The following NHSL1 variants were observed in gnomAD, a reference collection of about 807,000 sequenced individuals.
NHSL1 encodes the protein NHS-like protein 1.
A neutral mutation model predicts 95.0 loss-of-function variants in NHSL1; 48 were observed. That is an observed-to-expected ratio of 0.51 (90% confidence interval 0.40 to 0.64). The LOEUF is 0.64. Ranked by LOEUF, NHSL1 falls within the 30% of genes least tolerant of loss-of-function variation. NHSL1 has a pLI of 0.00. For missense variants in NHSL1, 1,971 were observed against 2,077.7 expected, an observed-to-expected ratio of 0.95 and a Z score of 1.00; for synonymous variants, 783 against 833.9, an observed-to-expected ratio of 0.94 and a Z score of 1.05.
rs1171347944 is a variant in NHSL1, at chr6:138,469,583, G to C, written c.339+3723C>G. On this transcript the variant is annotated intron_variant, in intron 3 of 7. Transcript: ENST00000343505. Reference sequence around the variant, plus strand: ...TACAAAAAAATACAAGAATCAGCTGGGCGTGGTGATGTGTACCTGTAATCT... The same window carrying C: ...TACAAAAAAATACAAGAATCAGCTGCGCGTGGTGATGTGTACCTGTAATCT... Among the ~76,000 whole-genome samples, 6 of 151,956 alleles carry C rather than the reference G, an allele frequency of 3.9e-5. No individual in the cohort carries two copies. In the South Asian group the frequency reaches 1.2e-3, roughly 32 times the overall value.
chr6:138,557,677 T>C (rs903472969), intron 1 of NHSL1, among the ~76,000 whole-genome samples: 1 of 152,240 alleles, frequency 6.6e-6, no homozygotes, highest in African/African-American at 2.4e-5. Context: ...TTGTACTCTT[T>C]GATTGAGCAG....
chr6:138,501,703 T>C (rs1780690334), upstream of NHSL1, among the ~76,000 whole-genome samples: 1 of 152,216 alleles, frequency 6.6e-6, no homozygotes, highest in African/African-American at 2.4e-5. Flanking sequence ...TCACTCAATA[T>C]TAAGTGTGAT....
At chr6:138,663,656 G>C (rs926646687) in intron 1 of NHSL1, among the ~76,000 whole-genome samples, 1 of 151,676 alleles carries the variant, frequency 6.6e-6, no homozygotes, top group African/African-American at 2.4e-5. Context: ...GATCATCTGA[G>C]ATCAGGAGTT....
chr6:138,424,057 C>T lies in NHSL1; in HGVS notation c.*24G>A. On this transcript the variant is annotated 3_prime_UTR_variant, in exon 8 of 8. Coordinates refer to ENST00000343505, the MANE Select transcript of NHSL1 (RefSeq NM_001144060.2). The surrounding 1 kb of genome is among the most constrained non-coding windows in gnomAD (Gnocchi z 5.9). ...GCATTGCTCGTCTCCCCCCGTGTCA[C>T]CTGGGAGAGTTACGTTCTTGGCCCT... is the stretch of plus-strand genomic sequence containing the variant. 2 of 1,358,944 alleles carry T rather than the reference C, an allele frequency of 1.5e-6. No homozygotes were observed. The highest frequency in any genetic ancestry group is 9.4e-7 in the Non-Finnish European group (1 of 1,058,374). 84.2% of individuals were successfully genotyped at this position (1,358,944 alleles called of 1,614,324 possible).
rs553741572 is a variant in NHSL1 at position 138,554,016 on chromosome 6, T to C, written c.202+17694A>G. Among the ~76,000 whole-genome samples, 44 of 152,350 alleles carry C rather than the reference T, an allele frequency of 2.9e-4. No homozygotes were observed. In the South Asian group the frequency reaches 8.3e-3, roughly 29 times the overall value. On this transcript the variant is annotated intron_variant, in intron 1 of 6. Coordinates refer to the NHSL1 transcript ENST00000427025. ...AAGAATTAACACCAGTATGTCCAGA[T>C]GGAGGGAGGATACCGAAAGATGTCA...
chr6:138,684,767 C>T (rs962608209), intron 1 of NHSL1, among the ~76,000 whole-genome samples: 42 of 152,196 alleles, frequency 2.8e-4, no homozygotes, highest in Admixed American at 2.0e-3. Flanking sequence ...AGCTGAAGTG[C>T]ACACTGTGAC....
chr6:138,602,245 T>A (rs1319910607), intron 1 of NHSL1, among the ~76,000 whole-genome samples: 2 of 152,252 alleles, frequency 1.3e-5, no homozygotes, highest in South Asian at 4.1e-4. Flanking sequence ...ATTTTATCCA[T>A]CAGCATTTTG....
At chr6:138,485,312 A>C (rs574669107) in intron 2 of NHSL1, among the ~76,000 whole-genome samples, 2 of 152,320 alleles carry the variant, frequency 1.3e-5, no homozygotes, top group Admixed American at 1.3e-4. Flanking sequence ...AGAATTGCTG[A>C]AACAGCAGAC....
intron 1 of NHSL1, among the ~76,000 whole-genome samples, chr6:138,649,524 C>G (rs1785061469): frequency 6.6e-6 from 1 of 151,196 alleles, no homozygotes. Flanking sequence ...ATGAACTGGA[C>G]AGGACTAGAG....
At chr6:138,650,952 A>G in intron 1 of NHSL1, 1 of 532,090 alleles carries the variant, frequency 1.9e-6, no homozygotes, top group Non-Finnish European at 3.8e-6. Flanking sequence ...CTTGGCAGAT[A>G]GAGGACCTTC....
chr6:138,563,084 G>A (rs1290134075), intron 1 of NHSL1, among the ~76,000 whole-genome samples: 1 of 152,058 alleles, frequency 6.6e-6, no homozygotes, highest in Non-Finnish European at 1.5e-5. Flanking sequence ...ATTATACTCA[G>A]TTCCCTGCTT....
In NHSL1 at chr6:138,571,838, C is replaced by T. The variant is rs1489191644; in HGVS notation, c.74G>A (p.Trp25Ter). 6.4e-7 allele frequency: 1 copy of T among 1,551,880 alleles called. No individual in the cohort carries two copies. Among genetic ancestry groups the T allele is most frequent in the Non-Finnish European group, 8.7e-7 (1 of 1,147,022 alleles). The change falls in exon 1 of 7, where the codon TGG (tryptophan) becomes TAG (stop). Residue 25 changes from tryptophan (W) to a stop codon, truncating the protein, a stop_gained. Coordinates refer to the NHSL1 transcript ENST00000427025. LOFTEE classifies it high-confidence loss of function. The stretch of plus-strand genomic sequence containing the variant: ...CCTGGACAAGGAGGAGAAATTTATC[C>T]AACTTACAGCACGTGAGAGAGAACC...
At chr6:138,448,643 A>T (rs1450708160) in intron 3 of NHSL1, among the ~76,000 whole-genome samples, 1 of 152,206 alleles carries the variant, frequency 6.6e-6, no homozygotes, top group East Asian at 1.9e-4. Context: ...TATTTATTTC[A>T]CTTAACGTTA....
chr6:138,589,635 C>G lies in NHSL1; in HGVS notation c.97-93264G>C, dbSNP rs140658698. Among the ~76,000 whole-genome samples, 767 of 152,342 alleles carry G rather than the reference C, an allele frequency of 5.0e-3. 3 individuals carry two copies. Among genetic ancestry groups the G allele is most frequent in the African/African-American group, 0.017 (726 of 41,586 alleles). On this transcript the variant is annotated intron_variant, in intron 1 of 3. Coordinates refer to the NHSL1 transcript ENST00000491526. ...GCCTCCTTTTACCCTAAACCCTCATCTATGCCTTCCCTGTCCTGTTCATTC... is the reference window on the plus strand; with the variant it reads ...GCCTCCTTTTACCCTAAACCCTCATGTATGCCTTCCCTGTCCTGTTCATTC...
intron 3 of NHSL1, among the ~76,000 whole-genome samples, chr6:138,468,179 C>T (rs1778514081): frequency 6.6e-6 from 1 of 152,238 alleles, no homozygotes; most frequent in Non-Finnish European, 1.5e-5. Flanking sequence ...GAGCAACTTC[C>T]AGTCCTGCAA....
intron 1 of NHSL1, among the ~76,000 whole-genome samples, chr6:138,580,503 T>G (rs1023786512): frequency 6.6e-6 from 1 of 152,102 alleles, no homozygotes; most frequent in African/African-American, 2.4e-5. Context: ...GGGGCGGGGA[T>G]GAGGGACGTG....
chr6:138,621,485 C>A (rs1382218000), intron 1 of NHSL1, among the ~76,000 whole-genome samples: 1 of 135,640 alleles, frequency 7.4e-6, no homozygotes, highest in East Asian at 2.1e-4. Context: ...TTTTTTTTTT[C>A]CCCCCAAGAT....
chr6:138,601,187 T>G (rs1784365153), intron 1 of NHSL1, among the ~76,000 whole-genome samples: 2 of 152,224 alleles, frequency 1.3e-5, no homozygotes, highest in South Asian at 2.1e-4. Context: ...TCACCAGGAT[T>G]GTTGGGAATC....
At chr6:138,455,641 A>G (rs1583207858) in intron 3 of NHSL1, among the ~76,000 whole-genome samples, 1 of 152,224 alleles carries the variant, frequency 6.6e-6, no homozygotes, top group African/African-American at 2.4e-5. Context: ...TTTCCAGATT[A>G]AAATAATAGT....
Sources: allele counts gnomAD v4.1 joint callset (sites outside exome capture counted in the v4.1 genomes callset), GRCh38; gene constraint gnomAD v4.1.1; non-coding constraint Gnocchi (gnomAD v3.1); transcripts MANE v1.5; gene names NCBI Gene and HGNC (gene_info 2026-07-23, HGNC 2026-07-21).